SLC17A1: variants seen among roughly 807,000 people sequenced by gnomAD.
SLC17A1 encodes the protein sodium-dependent phosphate transport protein 1.
In SLC17A1, 51 loss-of-function variants were observed where a neutral mutation model predicts 53.5. The observed-to-expected ratio is 0.95, with a 90% CI of 0.76 to 1.20. The LOEUF (loss-of-function observed/expected upper bound fraction) is 1.20. Among genes scored for constraint, SLC17A1 ranks in the 50% most tolerant of loss-of-function variants. SLC17A1 has a pLI of 0.00. For missense variants in SLC17A1, 538 were observed against 568.2 expected (o/e 0.95, Z 0.54); for synonymous variants, 179 against 198.8 (o/e 0.90, Z 0.84).
chr6:25,803,028 G>A (rs1402637297), intron 10 of SLC17A1, among the ~76,000 whole-genome samples: 1 of 126,488 alleles, frequency 7.9e-6, no homozygotes, highest in East Asian at 2.7e-4. Context: ...CTCACTGCAA[G>A]CTCCACCTCC....
chr6:25,726,736 G>T, the SLC17A1 span: 2 of 1,078,456 alleles, frequency 1.9e-6, no homozygotes, highest in South Asian at 1.6e-5. Flanking sequence ...GGCGTTTGAG[G>T]GCCGTGCCTA....
chr6:25,752,879 G>A, the SLC17A1 span, among the ~76,000 whole-genome samples: 3 of 151,782 alleles, frequency 2.0e-5, no homozygotes, highest in Non-Finnish European at 2.9e-5. Context: ...GTGAACCCGG[G>A]AGACAGAGCT....
At chr6:25,789,107 T>G (rs1006607437) in intron 12 of SLC17A1, among the ~76,000 whole-genome samples, 4 of 152,176 alleles carry the variant, frequency 2.6e-5, no homozygotes, top group African/African-American at 7.2e-5. Context: ...TCTTGGTTTC[T>G]AAATACAATT....
the SLC17A1 span, chr6:25,726,540 A>C: frequency 1.3e-6 from 2 of 1,599,110 alleles, no homozygotes; most frequent in Admixed American, 1.7e-5. Flanking sequence ...CCTCGCATCA[A>C]ATTGCAGCAA....
chr6:25,778,011 A>G (rs1438402889), downstream of SLC17A1: 2 of 1,601,666 alleles, frequency 1.2e-6, no homozygotes, highest in Non-Finnish European at 1.7e-6. Context: ...ATTTTTCATC[A>G]GTCAGGTGAG....
chr6:25,725,630 T>C, the SLC17A1 span, among the ~76,000 whole-genome samples: 1 of 152,178 alleles, frequency 6.6e-6, no homozygotes, highest in Non-Finnish European at 1.5e-5. Flanking sequence ...GTCTCGCTCA[T>C]GTCACCCAGA....
intron 1 of SLC17A1, among the ~76,000 whole-genome samples, chr6:25,831,101 T>A (rs1764930186): frequency 6.6e-6 from 1 of 152,154 alleles, no homozygotes; most frequent in Admixed American, 6.6e-5. Context: ...ATTGATAAGA[T>A]CAACTCAAGC....
the SLC17A1 span, among the ~76,000 whole-genome samples, chr6:25,760,159 A>G: frequency 6.6e-6 from 1 of 152,334 alleles, no homozygotes; most frequent in Admixed American, 6.5e-5. Flanking sequence ...AAATAATAGG[A>G]TCTGGTTCTT....
In SLC17A1 at chr6:25,812,831, C is replaced by T. The variant is rs1261234305; in HGVS notation, c.897G>A (p.Glu299=). Residue 299 remains glutamate, a splice_region_variant and synonymous_variant, in exon 8 of 13, where the codon GAG becomes GAA. Transcript: ENST00000244527. ...INSMLHVNIK[E]NGFLSSLPYL... ...AAAAAAGAACAAATAGTATACTTAC[C>T]TCTTTTATATTAACATGAAGCATGG... 1 of 1,597,740 alleles carries T rather than the reference C, an allele frequency of 6.3e-7. No individual in the cohort carries two copies. The highest frequency in any genetic ancestry group is 1.7e-5 in the Admixed American group (1 of 58,256).
chr6:25,743,982 G>T, the SLC17A1 span, among the ~76,000 whole-genome samples: 1 of 152,168 alleles, frequency 6.6e-6, no homozygotes, highest in South Asian at 2.1e-4. Context: ...CTGGAAAAGG[G>T]TGTCACTAAG....
chr6:25,743,222 A>G, the SLC17A1 span, among the ~76,000 whole-genome samples: 1 of 152,240 alleles, frequency 6.6e-6, no homozygotes, highest in African/African-American at 2.4e-5. Flanking sequence ...CATGTTAATG[A>G]TTTACAAGCT....
intron 10 of SLC17A1, among the ~76,000 whole-genome samples, chr6:25,809,922 A>G (rs1764093449): frequency 6.6e-6 from 1 of 152,154 alleles, no homozygotes. Context: ...ATAGATACAT[A>G]GACCAATGGA....
At chr6:25,754,098 A>T in the SLC17A1 span, among the ~76,000 whole-genome samples, 1 of 152,028 alleles carries the variant, frequency 6.6e-6, no homozygotes, top group Non-Finnish European at 1.5e-5. Context: ...TGACCACTGG[A>T]TTTGCTGGCA....
At chr6:25,816,314 C>T (rs1272445293) in intron 6 of SLC17A1, among the ~76,000 whole-genome samples, 2 of 152,244 alleles carry the variant, frequency 1.3e-5, no homozygotes, top group Non-Finnish European at 2.9e-5. Context: ...CCATTCATAT[C>T]TTATGCAAAT....
the SLC17A1 span, among the ~76,000 whole-genome samples, chr6:25,773,043 T>G: frequency 1.3e-5 from 2 of 152,224 alleles, no homozygotes; most frequent in Non-Finnish European, 2.9e-5. Flanking sequence ...TCCTTTTTAA[T>G]GCCTAGGCTT....
chr6:25,777,606 CAAA>C, the SLC17A1 span: 3 of 197,500 alleles, frequency 1.5e-5, no homozygotes, highest in African/African-American at 2.6e-5. Flanking sequence ...ACAACAACAA[CAAA>C]AACCTTACAA....
the SLC17A1 span, among the ~76,000 whole-genome samples, chr6:25,748,777 T>G: frequency 1.3e-5 from 2 of 152,160 alleles, no homozygotes; most frequent in African/African-American, 4.8e-5. Context: ...CACAAATAAG[T>G]TCAAGGGAAG....
intron 12 of SLC17A1, among the ~76,000 whole-genome samples, chr6:25,794,356 A>C (rs541629682): frequency 6.6e-6 from 1 of 152,330 alleles, no homozygotes; most frequent in East Asian, 1.9e-4. Context: ...TATCATAAAC[A>C]TACTTTTTAG....
At chr6:25,820,186 T>C (rs1764504931) in intron 3 of SLC17A1, among the ~76,000 whole-genome samples, 1 of 152,216 alleles carries the variant, frequency 6.6e-6, no homozygotes. Flanking sequence ...CATTTAATGC[T>C]TGTTTCTTGA....
Sources: gnomAD v4.1 joint callset for allele counts (sites outside exome capture counted in the v4.1 genomes callset) on GRCh38, gnomAD v4.1.1 for gene constraint, MANE v1.5 for transcripts, NCBI Gene and HGNC (gene_info 2026-07-23, HGNC 2026-07-21) for gene names.